ZNF536: variants seen among roughly 807,000 people sequenced by gnomAD.
The protein encoded by ZNF536 is zinc finger protein 536.
ZNF536 carries 13 observed loss-of-function variants against 84.5 expected under a neutral mutation model. The observed-to-expected ratio is 0.15, with a 90% CI of 0.10 to 0.24. ZNF536 has a LOEUF of 0.24. Ranked by LOEUF, ZNF536 falls within the 10% of genes least tolerant of loss-of-function variation. ZNF536 has a pLI of 1.00. For synonymous variants in ZNF536, 811 were observed against 742.5 expected, an observed-to-expected ratio of 1.09 and a Z score of -1.50; for missense variants, 1,536 against 1,747.5, an observed-to-expected ratio of 0.88 and a Z score of 2.16.
chr19:30,595,216 G>T (rs1164057451), intron 1 of ZNF536, among the ~76,000 whole-genome samples: 1 of 152,288 alleles, frequency 6.6e-6, no homozygotes, highest in South Asian at 2.1e-4. Context: ...GAGCTCAGGG[G>T]TTGGCCATTG....
At chr19:30,546,999 A>G (rs765007621) in intron 3 of ZNF536, among the ~76,000 whole-genome samples, 2 of 152,232 alleles carry the variant, frequency 1.3e-5, no homozygotes, top group Non-Finnish European at 2.9e-5. Context: ...GAATTTAAAT[A>G]AATATTTAAT....
At chr19:30,467,641 G>A (rs1431684828) in intron 2 of ZNF536, among the ~76,000 whole-genome samples, 1 of 152,190 alleles carries the variant, frequency 6.6e-6, no homozygotes, top group Non-Finnish European at 1.5e-5. Flanking sequence ...ACCCATGAAG[G>A]CCATTCATTC....
At chr19:30,306,033 A>T (rs1451376555) in intron 2 of ZNF536, among the ~76,000 whole-genome samples, 1 of 152,196 alleles carries the variant, frequency 6.6e-6, no homozygotes, top group Non-Finnish European at 1.5e-5. Context: ...CAACTGACAA[A>T]TGTTCACATT....
intron 1 of ZNF536, among the ~76,000 whole-genome samples, chr19:30,700,476 C>T (rs1041982837): frequency 1.2e-4 from 18 of 152,064 alleles, no homozygotes; most frequent in African/African-American, 4.1e-4. Flanking sequence ...CAATCTCCAA[C>T]TCTTGGGCTC....
At chr19:30,679,105 G>C (rs544548617) in intron 1 of ZNF536, among the ~76,000 whole-genome samples, 1 of 152,244 alleles carries the variant, frequency 6.6e-6, no homozygotes, top group African/African-American at 2.4e-5. Context: ...GCAGAAGACA[G>C]GGGTGAACGG....
chr19:30,613,760 G>A (rs1474099540), intron 1 of ZNF536, among the ~76,000 whole-genome samples: 2 of 152,190 alleles, frequency 1.3e-5, no homozygotes, highest in Non-Finnish European at 2.9e-5. Flanking sequence ...CATAGATAAT[G>A]AGTATATTTT....
At chr19:30,360,409 G>A (rs954113267) in intron 3 of ZNF536, among the ~76,000 whole-genome samples, 4 of 152,218 alleles carry the variant, frequency 2.6e-5, no homozygotes, top group Admixed American at 1.3e-4. Flanking sequence ...ATTGCAGAAC[G>A]CCTGCATAAG....
intron 1 of ZNF536, among the ~76,000 whole-genome samples, chr19:30,256,666 G>A (rs1424357715): frequency 6.6e-6 from 1 of 152,178 alleles, no homozygotes; most frequent in African/African-American, 2.4e-5. Flanking sequence ...AGCAACAGGA[G>A]CTCTCTGAAG....
chr19:30,438,366 A>T (rs1310288008), intron 1 of ZNF536, among the ~76,000 whole-genome samples: 1 of 152,192 alleles, frequency 6.6e-6, no homozygotes, highest in East Asian at 1.9e-4. Flanking sequence ...ATGTGAAATT[A>T]TAAAAAAAAA....
At chr19:30,508,863 T>C (rs568468061) in intron 2 of ZNF536, among the ~76,000 whole-genome samples, 83 of 141,450 alleles carry the variant, frequency 5.9e-4, no homozygotes, top group African/African-American at 2.2e-3. Flanking sequence ...GGTCTTGCTC[T>C]GTCACCCAGG....
At chr19:30,367,516 C>A (rs1568363376), upstream of ZNF536, among the ~76,000 whole-genome samples, 1 of 152,186 alleles carries the variant, frequency 6.6e-6, no homozygotes, top group Non-Finnish European at 1.5e-5. Context: ...CACCTGCACG[C>A]CCCATGCATG....
intron 1 of ZNF536, among the ~76,000 whole-genome samples, chr19:30,642,975 G>GC (rs2049320792): frequency 6.6e-6 from 1 of 152,204 alleles, no homozygotes; most frequent in Non-Finnish European, 1.5e-5. Context: ...AACACCAAAA[G>GC]TCATGGAGCT....
intron 1 of ZNF536, among the ~76,000 whole-genome samples, chr19:30,262,661 A>G (rs553036986): frequency 6.6e-6 from 1 of 152,284 alleles, no homozygotes; most frequent in Admixed American, 6.5e-5. Context: ...TTGGGTGGCC[A>G]GGTGGTCAGA....
At chr19:30,529,848 G>A (rs2044733835) in intron 2 of ZNF536, among the ~76,000 whole-genome samples, 1 of 152,180 alleles carries the variant, frequency 6.6e-6, no homozygotes, top group South Asian at 2.1e-4. Flanking sequence ...AATATGGCCT[G>A]TGTCTGCCTG....
intron 1 of ZNF536, among the ~76,000 whole-genome samples, chr19:30,631,823 C>G (rs2048898771): frequency 6.6e-6 from 1 of 152,202 alleles, no homozygotes; most frequent in East Asian, 1.9e-4. Flanking sequence ...CTTTAATAAG[C>G]ACCCATCAGA....
chr19:30,330,502 C>CGTTACAA (rs1638411036), intron 2 of ZNF536, among the ~76,000 whole-genome samples: 1 of 152,134 alleles, frequency 6.6e-6, no homozygotes, highest in South Asian at 2.1e-4. Flanking sequence ...GGGGAGGCCT[C>CGTTACAA]GTTACAAGCC....
At chr19:30,625,023 G>A (rs2048625190) in intron 1 of ZNF536, among the ~76,000 whole-genome samples, 1 of 152,190 alleles carries the variant, frequency 6.6e-6, no homozygotes, top group Admixed American at 6.5e-5. Context: ...AGAACTGTGA[G>A]TCAATTAAAC....
At chr19:30,531,907 GCAC>G (rs1461605481) in intron 2 of ZNF536, among the ~76,000 whole-genome samples, 12 of 151,758 alleles carry the variant, frequency 7.9e-5, no homozygotes. Flanking sequence ...TTACAGGTGT[GCAC>G]CACCACACCT....
intron 2 of ZNF536, among the ~76,000 whole-genome samples, chr19:30,473,707 G>A (rs923550767): frequency 5.3e-5 from 8 of 152,214 alleles, no homozygotes; most frequent in African/African-American, 1.9e-4. Context: ...TGTCCTTTGA[G>A]TCACAGCTCA....
Sources: gnomAD v4.1 joint callset for allele counts (sites outside exome capture counted in the v4.1 genomes callset) on GRCh38, gnomAD v4.1.1 for gene constraint, MANE v1.5 for transcripts, NCBI Gene and HGNC (gene_info 2026-07-23, HGNC 2026-07-21) for gene names.